SCHIP1: variants seen among roughly 807,000 people sequenced by gnomAD.
The protein encoded by SCHIP1 is schwannomin interacting protein 1.
A neutral mutation model predicts 29.7 loss-of-function variants in SCHIP1; 8 were observed. The observed-to-expected ratio is 0.27, with a 90% CI of 0.16 to 0.49. The LOEUF is 0.49. SCHIP1 is among the 20% of genes least tolerant of loss of function. SCHIP1 has a pLI of 0.99. For synonymous variants in SCHIP1, 76 were observed against 94.9 expected, an observed-to-expected ratio of 0.80 and a Z score of 1.16; for missense variants, 193 against 294.6, an observed-to-expected ratio of 0.66 and a Z score of 2.52.
the SCHIP1 span, among the ~76,000 whole-genome samples, chr3:159,602,900 C>T: frequency 1.4e-4 from 21 of 152,262 alleles, no homozygotes; most frequent in Middle Eastern, 3.4e-3. Flanking sequence ...ACAGATACCA[C>T]CTGGGTGTTC....
At chr3:159,753,759 C>G in the SCHIP1 span, among the ~76,000 whole-genome samples, 4 of 152,186 alleles carry the variant, frequency 2.6e-5, no homozygotes. Flanking sequence ...GTTGCAACCC[C>G]TCCTCACTCT....
the SCHIP1 span, among the ~76,000 whole-genome samples, chr3:159,480,687 G>T: frequency 1.3e-5 from 2 of 151,908 alleles, no homozygotes; most frequent in African/African-American, 4.8e-5. Context: ...CCTCCTCTTT[G>T]ACTAAACCAA....
At chr3:159,631,421 C>G in the SCHIP1 span, among the ~76,000 whole-genome samples, 2,435 of 152,082 alleles carry the variant, frequency 0.016, 37 homozygotes, top group Non-Finnish European at 0.025. Context: ...TCACAATAGC[C>G]AAAAGGTAGA....
chr3:159,879,277 T>C (rs1023414871), intron 2 of SCHIP1, among the ~76,000 whole-genome samples: 1 of 152,084 alleles, frequency 6.6e-6, no homozygotes, highest in Admixed American at 6.5e-5. Flanking sequence ...TTTCTTTTTT[T>C]TTTCTTTCTT....
At chr3:159,849,155 G>A (rs1297809671) in intron 1 of SCHIP1, among the ~76,000 whole-genome samples, 1 of 151,976 alleles carries the variant, frequency 6.6e-6, no homozygotes, top group Non-Finnish European at 1.5e-5. Context: ...TTTCCATCTC[G>A]AATTTTGAGG....
the SCHIP1 span, among the ~76,000 whole-genome samples, chr3:159,424,021 A>G: frequency 7.2e-6 from 1 of 139,766 alleles, no homozygotes; most frequent in Non-Finnish European, 1.6e-5. Context: ...AAGGAAAACT[A>G]ACAAACAGAA....
chr3:159,774,900 A>G, the SCHIP1 span, among the ~76,000 whole-genome samples: 3 of 152,168 alleles, frequency 2.0e-5, no homozygotes, highest in Non-Finnish European at 2.9e-5. Flanking sequence ...TGTGTAATCA[A>G]ATAACCTCTT....
the SCHIP1 span, among the ~76,000 whole-genome samples, chr3:159,329,163 C>T: frequency 5.3e-5 from 8 of 151,944 alleles, no homozygotes; most frequent in African/African-American, 1.9e-4. Context: ...GTAACTATGT[C>T]CACACCCTAC....
chr3:159,372,962 C>A, the SCHIP1 span, among the ~76,000 whole-genome samples: 5 of 151,962 alleles, frequency 3.3e-5, no homozygotes, highest in Non-Finnish European at 5.9e-5. Context: ...TTGCTGACTC[C>A]TGCTTTAGAT....
chr3:159,285,476 C>T, the SCHIP1 span, among the ~76,000 whole-genome samples: 3 of 152,018 alleles, frequency 2.0e-5, no homozygotes, highest in African/African-American at 4.8e-5. Flanking sequence ...TAAACATAAA[C>T]ACAAGTTGTT....
the SCHIP1 span, among the ~76,000 whole-genome samples, chr3:159,666,230 T>C: frequency 2.0e-5 from 3 of 152,220 alleles, no homozygotes; most frequent in Non-Finnish European, 4.4e-5. Flanking sequence ...GCAAAGTGAA[T>C]AGCACCTTGA....
the SCHIP1 span, among the ~76,000 whole-genome samples, chr3:159,495,498 C>G: frequency 1.3e-5 from 2 of 152,112 alleles, no homozygotes; most frequent in African/African-American, 4.8e-5. Flanking sequence ...GAGTGAACTC[C>G]CATTCACAAT....
chr3:159,561,751 G>A, the SCHIP1 span, among the ~76,000 whole-genome samples: 2 of 152,012 alleles, frequency 1.3e-5, no homozygotes, highest in African/African-American at 2.4e-5. Context: ...GTAGATGGTG[G>A]TTTAAGACAC....
the SCHIP1 span, chr3:159,765,754 G>A: frequency 6.6e-6 from 1 of 152,212 alleles, no homozygotes; most frequent in Admixed American, 6.5e-5. Context: ...CTGGGGGAAC[G>A]GGGTAAATGG....
At chr3:159,348,338 T>C in the SCHIP1 span, among the ~76,000 whole-genome samples, 2 of 152,138 alleles carry the variant, frequency 1.3e-5, no homozygotes, top group Non-Finnish European at 2.9e-5. Context: ...AGATGTCATA[T>C]AAATTTTGAG....
intron 2 of SCHIP1, among the ~76,000 whole-genome samples, chr3:159,869,945 A>G (rs1213821003): frequency 6.6e-6 from 1 of 151,890 alleles, no homozygotes; most frequent in Admixed American, 6.6e-5. Context: ...TAGACATATT[A>G]CACATCTCTT....
chr3:159,711,126 G>A, the SCHIP1 span, among the ~76,000 whole-genome samples: 2 of 151,910 alleles, frequency 1.3e-5, no homozygotes, highest in African/African-American at 4.8e-5. Flanking sequence ...ATGCAGTTTA[G>A]GTGTCCAGTT....
chr3:159,292,330 T>C, the SCHIP1 span, among the ~76,000 whole-genome samples: 3 of 152,194 alleles, frequency 2.0e-5, no homozygotes, highest in Admixed American at 2.0e-4. Flanking sequence ...ACATTCTATT[T>C]TGTATATTTA....
At chr3:159,442,792 G>A in the SCHIP1 span, among the ~76,000 whole-genome samples, 1 of 152,168 alleles carries the variant, frequency 6.6e-6, no homozygotes, top group Non-Finnish European at 1.5e-5. Context: ...TGAATGTGGG[G>A]ATGGAGGTGA....
Sources: gnomAD v4.1 joint callset for allele counts (sites outside exome capture counted in the v4.1 genomes callset) on GRCh38, gnomAD v4.1.1 for gene constraint, MANE v1.5 for transcripts, NCBI Gene and HGNC (gene_info 2026-07-23, HGNC 2026-07-21) for gene names.